Variants in TTC14 observed in about 807,000 individuals in gnomAD.
TTC14 encodes tetratricopeptide repeat domain 14.
TTC14 carries 63 observed loss-of-function variants against 79.9 expected under a neutral mutation model. The observed-to-expected ratio is 0.79, with a 90% CI of 0.64 to 0.97. The LOEUF (loss-of-function observed/expected upper bound fraction) is 0.97. Among genes scored for constraint, TTC14 ranks in the 50% least tolerant of loss-of-function variants. TTC14 has a pLI of 0.00. For synonymous variants in TTC14, 335 were observed against 309.6 expected (o/e 1.08, Z -0.86); for missense variants, 895 against 894.0 (o/e 1.00, Z -0.01).
At position 180,610,375 on chromosome 3, in the gene TTC14, G is replaced by A; in HGVS notation, c.2146G>A (p.Asp716Asn). 6.2e-7 allele frequency: 1 copy of A among 1,613,470 alleles called. No homozygotes were observed. The highest frequency in any genetic ancestry group is 1.1e-5 in the South Asian group (1 of 90,968). ...NTNQGEYERE[D>N]NYGEDIKTEV... ...AAATCAAGGAGAATATGAAAGAGAG[G>A]ACAATTATGGGGAGGATATCAAAAC... Residue 716 changes from aspartate to asparagine, a missense_variant, in exon 12 of 12, where the codon GAC becomes AAC. Asp to Asn is a conservative substitution (Grantham distance 23). Coordinates refer to ENST00000296015, the MANE Select transcript of TTC14 (RefSeq NM_133462.4).
intron 1 of TTC14, 115 bp downstream of exon 1, chr3:180,602,537 A>G: frequency 7.4e-7 from 1 of 1,359,784 alleles, no homozygotes; most frequent in Admixed American, 2.7e-5. Flanking sequence ...TGAGCACAGG[A>G]CGATCGCGCG....
chr3:180,611,070 A>AT lies in TTC14; in HGVS notation c.*530dup. On this transcript the variant is annotated 3_prime_UTR_variant, in exon 12 of 12. Coordinates refer to ENST00000296015, the MANE Select transcript of TTC14 (RefSeq NM_133462.4). ...TTTTTTTAAAATTTTTAAATGGTAG[A>AT]TTATATGTCTTAATTTTCCTCTAAA... is the stretch of plus-strand genomic sequence containing the variant. The AT allele has an allele frequency of 3.1e-6, 3 of 966,866 alleles. No homozygotes were observed. Among genetic ancestry groups the AT allele is most frequent in the Non-Finnish European group, 3.7e-6 (3 of 813,084 alleles). The allele number at this position is 966,866 out of a possible 1,614,324, so 59.9% of individuals were successfully genotyped here. A position where few individuals can be genotyped will look rare whatever the true frequency, so the allele number is the denominator to read the frequency against.
chr3:180,610,630 T>C lies in TTC14; in HGVS notation c.*88T>C. The C allele has an allele frequency of 6.7e-7, 1 of 1,487,256 alleles. No homozygotes were observed. The highest frequency in any genetic ancestry group is 8.9e-7 in the Non-Finnish European group (1 of 1,124,318). The allele number at this position is 1,487,256 out of a possible 1,614,324, so 92.1% of individuals were successfully genotyped here. A position where few individuals can be genotyped will look rare whatever the true frequency, so the allele number is the denominator to read the frequency against. On this transcript the variant is annotated 3_prime_UTR_variant, in exon 12 of 12. Coordinates refer to ENST00000296015, the MANE Select transcript of TTC14 (RefSeq NM_133462.4). ...GTCATAACAGTTGAGTGCAGAAATC[T>C]CTGCTTCTAAAATTATTTGTAGAGA...
intron 8 of TTC14, 51 bp downstream of exon 8, chr3:180,606,423 A>G (rs993061831): frequency 5.0e-6 from 8 of 1,613,164 alleles, no homozygotes; most frequent in Non-Finnish European, 6.8e-6. Flanking sequence ...GTAAATGCGA[A>G]CAAGATTTAT....
exon 13 of TTC14, chr3:180,617,462 TATC>T (rs1717290209): frequency 1.5e-6 from 1 of 688,522 alleles, no homozygotes; most frequent in Non-Finnish European, 2.7e-6. Flanking sequence ...AGGGCATTGT[TATC>T]ATAGATGACA....
chr3:180,603,781 A>C, intron 3 of TTC14: 1 of 223,136 alleles, frequency 4.5e-6, no homozygotes, highest in Non-Finnish European at 8.9e-6. Context: ...GATAGTCCTG[A>C]ATTTAAACTA....
rs1268570134 is a variant in TTC14, at chr3:180,607,759, T to C, written c.1284T>C (p.Tyr428=). 2 of 1,608,534 alleles carry C rather than the reference T, an allele frequency of 1.2e-6. No individual in the cohort carries two copies. Among genetic ancestry groups the C allele is most frequent in the South Asian group, 2.2e-5 (2 of 89,184 alleles). ...AEDALQKLHK[Y]MQKSLELREK... ...ATGCTTTGCAGAAACTTCATAAATATATGCAGGTGATTCCTTATTTCCTCT... is the reference window on the plus strand; with the variant it reads ...ATGCTTTGCAGAAACTTCATAAATACATGCAGGTGATTCCTTATTTCCTCT... Residue 428 remains tyrosine (Y), a synonymous_variant, in exon 10 of 12, where the codon TAT becomes TAC. Transcript: ENST00000296015.
Position 180,608,823 on chromosome 3 carries a change from A to G in TTC14, c.1400+13A>G. On this transcript the variant is annotated intron_variant, in intron 11 of 11. Transcript: ENST00000296015. ...AAGAAGAGAAGAGGTAAACTATAATATTCAGTATTTTTAAACTTAAGGCAA... is the reference window on the plus strand; with the variant it reads ...AAGAAGAGAAGAGGTAAACTATAATGTTCAGTATTTTTAAACTTAAGGCAA... 1 of 1,482,222 alleles carries G rather than the reference A, an allele frequency of 6.7e-7. No individual in the cohort carries two copies. Among genetic ancestry groups the G allele is most frequent in the South Asian group, 1.4e-5 (1 of 70,310 alleles). 91.8% of individuals were successfully genotyped at this position (1,482,222 alleles called of 1,614,324 possible).
In TTC14 at chr3:180,602,212, G is replaced by C. The variant is rs766318641; in HGVS notation, c.-50G>C. ...CCACCCGGCTCAAGTAGCGGACACG[G>C]AACAGGGAACTATCAGCCCGTCGGC... On this transcript the variant is annotated 5_prime_UTR_variant, in exon 1 of 12. Transcript: ENST00000296015. The C allele has an allele frequency of 6.9e-6, 11 of 1,603,574 alleles. No homozygotes were observed. The highest frequency in any genetic ancestry group is 9.4e-6 in the Non-Finnish European group (11 of 1,174,970).
At chr3:180,602,494 G>C in intron 1 of TTC14, 72 bp downstream of exon 1, 1 of 1,494,364 alleles carries the variant, frequency 6.7e-7, no homozygotes, top group Non-Finnish European at 8.9e-7. Context: ...CGCAGCCCCG[G>C]GTTTGCGTCT....
At chr3:180,603,525 T>A (rs1393833518) in intron 3 of TTC14, 7 of 565,012 alleles carry the variant, frequency 1.2e-5, no homozygotes, top group East Asian at 3.1e-5. Flanking sequence ...TGGGATTTTT[T>A]AAATTTAAAC....
intron 3 of TTC14, 98 bp from the exon 4 acceptor site, chr3:180,604,127 A>C (rs759842645): frequency 5.0e-6 from 5 of 1,009,236 alleles, no homozygotes; most frequent in African/African-American, 1.6e-5. Flanking sequence ...AGGTTGTTCA[A>C]CTACTAGCTG....
intron 12 of TTC14, chr3:180,617,019 A>T: frequency 1.0e-6 from 1 of 968,842 alleles, no homozygotes; most frequent in Non-Finnish European, 1.5e-6. Context: ...TGACTTTTAT[A>T]ACTTGTCATT....
rs761958284 is a variant in TTC14 at position 180,604,600 on chromosome 3, T to C, written c.694T>C (p.Tyr232His). 1 of 1,597,514 alleles carries C rather than the reference T, an allele frequency of 6.3e-7. No individual in the cohort carries two copies. The highest frequency in any genetic ancestry group is 2.2e-5 in the East Asian group (1 of 44,696). The change falls in exon 5 of 12, where the codon TAC becomes CAC. Residue 232 changes from tyrosine to histidine, a missense_variant. Transcript: ENST00000296015. ...GVISSEELPL[Y>H]YRRSVELNSN... ...AATTAGCTCTGAAGAGCTTCCTTTA[T>C]ACTACAGGTAATTTATCCGTATTAT...
chr3:180,603,801 G>A (rs1185933929), intron 3 of TTC14: 2 of 220,078 alleles, frequency 9.1e-6, no homozygotes, highest in South Asian at 6.5e-5. Context: ...AATGTGTCAC[G>A]ATAAAAGATT....
chr3:180,606,561 C>G lies in TTC14; in HGVS notation c.1130C>G (p.Ala377Gly). ...GAAAACTGTCCAACTCACAGAAATGCAAGAAAATACCTCTGCCAGACACTT... is the reference window on the plus strand; with the variant it reads ...GAAAACTGTCCAACTCACAGAAATGGAAGAAAATACCTCTGCCAGACACTT... ...ALENCPTHRNARKYLCQTLVE... is the reference protein window; with the variant it reads ...ALENCPTHRNGRKYLCQTLVE... Residue 377 changes from alanine (A) to glycine (G), a missense_variant, in exon 9 of 12, where the codon GCA (alanine) becomes GGA (glycine). Ala to Gly is a moderately conservative substitution (Grantham distance 60). Transcript: ENST00000296015. The G allele has an allele frequency of 6.2e-7, 1 of 1,613,886 alleles. No homozygotes were observed. Among genetic ancestry groups the G allele is most frequent in the South Asian group, 1.1e-5 (1 of 91,076 alleles).
downstream of TTC14, among the ~76,000 whole-genome samples, chr3:180,615,942 TA>T (rs1394984462): frequency 6.6e-6 from 1 of 152,220 alleles, no homozygotes; most frequent in Non-Finnish European, 1.5e-5. Context: ...TACATGTTTT[TA>T]AAAAAATTCC....
chr3:180,610,845 A>C lies in TTC14; in HGVS notation c.*303A>C. ...CTGTTTCTTCATTCTATTGCGGTAT[A>C]TGAGAATTCCTGGGTGCATCTTATT... is the stretch of plus-strand genomic sequence containing the variant. On this transcript the variant is annotated 3_prime_UTR_variant, in exon 12 of 12. Coordinates refer to ENST00000296015, the MANE Select transcript of TTC14 (RefSeq NM_133462.4). The C allele has an allele frequency of 1.0e-6, 1 of 997,924 alleles. No homozygotes were observed. The highest frequency in any genetic ancestry group is 1.2e-6 in the Non-Finnish European group (1 of 838,028). The allele number at this position is 997,924 out of a possible 1,614,324, so 61.8% of individuals were successfully genotyped here. A position where few individuals can be genotyped will look rare whatever the true frequency, so the allele number is the denominator to read the frequency against.
chr3:180,608,628 C>G, intron 10 of TTC14, 73 bp from the exon 11 acceptor site: 1 of 1,375,694 alleles, frequency 7.3e-7, no homozygotes, highest in Non-Finnish European at 9.4e-7. Flanking sequence ...TGGGGGTGGT[C>G]TTTTGAATAC....
Sources: allele counts gnomAD v4.1 joint callset (sites outside exome capture counted in the v4.1 genomes callset), GRCh38; gene constraint gnomAD v4.1.1; transcripts MANE v1.5; gene names NCBI Gene and HGNC (gene_info 2026-07-23, HGNC 2026-07-21).